NADK2: variants seen among roughly 807,000 people sequenced by gnomAD.
The protein encoded by NADK2 is NAD kinase domain-containing protein 1, mitochondrial.
NADK2 carries 35 observed loss-of-function variants against 62.1 expected under a neutral mutation model. That is an observed-to-expected ratio of 0.56 (90% CI 0.43 to 0.75). NADK2 has a LOEUF of 0.75. Among genes scored for constraint, NADK2 ranks in the 30% least tolerant of loss-of-function variants. The pLI is 0.00. For synonymous variants in NADK2, 205 were observed against 207.9 expected (o/e 0.99, Z 0.12); for missense variants, 439 against 561.3 (o/e 0.78, Z 2.20).
intron 4 of NADK2, among the ~76,000 whole-genome samples, chr5:36,223,333 TG>T (rs1579625815): frequency 6.6e-6 from 1 of 151,946 alleles, no homozygotes; most frequent in African/African-American, 2.4e-5. Context: ...AGGGTAAGAA[TG>T]GAAGCAAGAA....
chr5:36,207,052 C>A (rs1054665931), intron 8 of NADK2, 118 bp downstream of exon 8: 2 of 751,986 alleles, frequency 2.7e-6, no homozygotes, highest in African/African-American at 3.6e-5. Context: ...GAAACTTGGC[C>A]TACCTACATA....
At chr5:36,220,626 A>T (rs12054662) in intron 4 of NADK2, among the ~76,000 whole-genome samples, 1 of 152,250 alleles carries the variant, frequency 6.6e-6, no homozygotes, top group East Asian at 1.9e-4. Context: ...TTTTATATTC[A>T]TTGTAATAGT....
chr5:36,210,223 G>T (rs1217921575), intron 7 of NADK2, among the ~76,000 whole-genome samples: 1 of 152,042 alleles, frequency 6.6e-6, no homozygotes, highest in East Asian at 1.9e-4. Flanking sequence ...GAGAAGCCAG[G>T]TTCTAAAGTA....
intron 11 of NADK2, among the ~76,000 whole-genome samples, chr5:36,196,563 T>C (rs909147116): frequency 2.0e-5 from 3 of 152,144 alleles, no homozygotes; most frequent in South Asian, 2.1e-4. Context: ...AAAATATCTT[T>C]CTCGCTCTGC....
intron 9 of NADK2, among the ~76,000 whole-genome samples, chr5:36,200,723 C>A (rs564680685): frequency 1.3e-5 from 2 of 151,946 alleles, no homozygotes; most frequent in East Asian, 3.9e-4. Context: ...GCCCATTAGT[C>A]ACTTAGTAGC....
intron 1 of NADK2, among the ~76,000 whole-genome samples, chr5:36,240,293 C>T (rs562943431): frequency 4.7e-4 from 71 of 152,324 alleles, no homozygotes; most frequent in African/African-American, 1.7e-3. Context: ...CAGGTGAATG[C>T]AGGAGCCCTC....
chr5:36,234,923 A>G (rs1396670696), intron 1 of NADK2, among the ~76,000 whole-genome samples: 1 of 152,128 alleles, frequency 6.6e-6, no homozygotes, highest in East Asian at 1.9e-4. Context: ...CCCATGGATC[A>G]CTTATAAATA....
intron 5 of NADK2, among the ~76,000 whole-genome samples, chr5:36,218,889 A>G (rs1397335384): frequency 6.6e-6 from 1 of 152,224 alleles, no homozygotes. Context: ...TAGATGGGAG[A>G]TAAAGATAAA....
At chr5:36,225,821 T>G (rs2112163232) in intron 3 of NADK2, among the ~76,000 whole-genome samples, 198 bp from the exon 4 acceptor site, 1 of 152,316 alleles carries the variant, frequency 6.6e-6, no homozygotes, top group Non-Finnish European at 1.5e-5. Flanking sequence ...AGTGGCAAGA[T>G]TACATTTAGG....
chr5:36,213,907 CT>C (rs1451893667), intron 6 of NADK2, among the ~76,000 whole-genome samples: 1 of 151,964 alleles, frequency 6.6e-6, no homozygotes, highest in Non-Finnish European at 1.5e-5. Context: ...CCATGTTTCC[CT>C]TTTATGCGGT....
Position 36,241,897 on chromosome 5 carries a change from T to G in NADK2, c.-99A>C. On this transcript the variant is annotated 5_prime_UTR_variant, in exon 1 of 12. Coordinates refer to ENST00000381937, the MANE Select transcript of NADK2 (RefSeq NM_001085411.3). This position sits in a 1 kb window ranked among gnomAD's most constrained non-coding sequence, Gnocchi z 4.9. ...CGTCCGCGCCGCCCGGGCCTCTAAC[T>G]TCGCGCCGGACGGGCAGAGGTTAAG... is the stretch of plus-strand genomic sequence containing the variant. 1 of 973,114 alleles carries G rather than the reference T, an allele frequency of 1.0e-6. No individual in the cohort carries two copies. Among genetic ancestry groups the G allele is most frequent in the Non-Finnish European group, 1.2e-6 (1 of 800,572 alleles). The allele number at this position is 973,114 out of a possible 1,614,324, so 60.3% of individuals were successfully genotyped here. A position where few individuals can be genotyped will look rare whatever the true frequency, so the allele number is the denominator to read the frequency against.
intron 4 of NADK2, among the ~76,000 whole-genome samples, chr5:36,222,375 A>T (rs1349346361): frequency 2.0e-5 from 3 of 152,192 alleles, no homozygotes; most frequent in African/African-American, 4.8e-5. Context: ...GTGAGCCTCT[A>T]ACCAGCATGT....
At chr5:36,226,589 T>C (rs1561071857) in intron 2 of NADK2, 26 bp from the exon 3 acceptor site, 4 of 1,524,792 alleles carry the variant, frequency 2.6e-6, no homozygotes, top group Non-Finnish European at 3.6e-6. Flanking sequence ...AAAGGTTATA[T>C]GAAATTTCCA....
intron 6 of NADK2, among the ~76,000 whole-genome samples, chr5:36,213,474 A>G (rs1746924658): frequency 6.6e-6 from 1 of 151,674 alleles, no homozygotes; most frequent in African/African-American, 2.4e-5. Context: ...ATAACTGCCT[A>G]AAGGCAACCC....
At position 36,241,267 on chromosome 5, in the gene NADK2, C is replaced by G; in HGVS notation, c.300+232G>C. Reference sequence around the variant, plus strand: ...CTGCCTCCTAAGTCCCTGCATGAACCACTGTCCCTCTCTCTCCCCCTCTCC... The same window carrying G: ...CTGCCTCCTAAGTCCCTGCATGAACGACTGTCCCTCTCTCTCCCCCTCTCC... On this transcript the variant is annotated intron_variant, in intron 1 of 11. Transcript: ENST00000381937. The surrounding 1 kb of genome is among the most constrained non-coding windows in gnomAD (Gnocchi z 4.9). The G allele has an allele frequency of 2.5e-6, 2 of 805,078 alleles. No homozygotes were observed. Among genetic ancestry groups the G allele is most frequent in the East Asian group, 7.7e-5 (2 of 25,896 alleles). 49.9% of individuals were successfully genotyped at this position (805,078 alleles called of 1,614,324 possible). A position where few individuals can be genotyped will look rare whatever the true frequency, so the allele number is the denominator to read the frequency against.
intron 1 of NADK2, among the ~76,000 whole-genome samples, chr5:36,237,782 A>G (rs1251993090): frequency 6.6e-6 from 1 of 152,240 alleles, no homozygotes; most frequent in African/African-American, 2.4e-5. Flanking sequence ...TGGGGACCAC[A>G]TGCCAACCAG....
rs539161659 is a variant in NADK2, at chr5:36,218,085, C to T, written c.645-201G>A. On this transcript the variant is annotated intron_variant, in intron 5 of 11. Coordinates refer to ENST00000381937, the MANE Select transcript of NADK2 (RefSeq NM_001085411.3). ...ATATTTATTCTCTTTTCAATTATAA[C>T]GGAAACACCTAATGTGCTTGTACAA... The T allele has an allele frequency of 1.4e-4, 69 of 478,704 alleles. 1 individual carries two copies. The South Asian group carries it at 2.1e-3, about 15-fold the overall frequency. The allele number at this position is 478,704 out of a possible 1,614,324, so 29.7% of individuals were successfully genotyped here. A position where few individuals can be genotyped will look rare whatever the true frequency, so the allele number is the denominator to read the frequency against.
In NADK2 at chr5:36,193,554, G is replaced by T. The variant is rs961836569; in HGVS notation, c.*1590C>A. The T allele has an allele frequency of 7.6e-6, 1 of 132,422 alleles. No individual in the cohort carries two copies. Among genetic ancestry groups the T allele is most frequent in the African/African-American group, 3.1e-5 (1 of 32,740 alleles). The allele number at this position is 132,422 out of a possible 1,614,324, so 8.2% of individuals were successfully genotyped here. Reference sequence around the variant, plus strand: ...TAGTATGGAGCTTCTTTATAAAGTGGTATCTTATGTATATCAAAAAAAAAA... The same window carrying T: ...TAGTATGGAGCTTCTTTATAAAGTGTTATCTTATGTATATCAAAAAAAAAA... On this transcript the variant is annotated 3_prime_UTR_variant, in exon 12 of 12. Transcript: ENST00000381937.
At chr5:36,226,428 T>A in intron 3 of NADK2, 47 bp downstream of exon 3, 1 of 1,438,696 alleles carries the variant, frequency 7.0e-7, no homozygotes, top group South Asian at 1.1e-5. Context: ...ATAATGTGTA[T>A]TAAACATTTG....
Sources: gnomAD v4.1 joint callset for allele counts (sites outside exome capture counted in the v4.1 genomes callset) on GRCh38, gnomAD v4.1.1 for gene constraint, Gnocchi (gnomAD v3.1) non-coding constraint, MANE v1.5 for transcripts, NCBI Gene and HGNC (gene_info 2026-07-23, HGNC 2026-07-21) for gene names.